CPSF2: variants seen among roughly 807,000 people sequenced by gnomAD.
CPSF2 encodes the protein cleavage and polyadenylation specific factor 2.
CPSF2 carries 51 observed loss-of-function variants against 84.2 expected under a neutral mutation model. That is an observed-to-expected ratio of 0.61 (90% CI 0.48 to 0.77). The LOEUF is 0.77. Among genes scored for constraint, CPSF2 ranks in the 30% least tolerant of loss-of-function variants. CPSF2 has a pLI of 0.00. For synonymous variants in CPSF2, 286 were observed against 311.9 expected, an observed-to-expected ratio of 0.92 and a Z score of 0.87; for missense variants, 641 against 929.4, an observed-to-expected ratio of 0.69 and a Z score of 4.03.
At chr14:92,158,032 A>C in intron 13 of CPSF2, 148 bp downstream of exon 13, 1 of 618,276 alleles carries the variant, frequency 1.6e-6, no homozygotes, top group Non-Finnish European at 2.9e-6. Flanking sequence ...GGCTTAGAAC[A>C]AGGAAATACC....
In CPSF2 at chr14:92,165,610, ATTTG is replaced by A. The variant is rs2069434077; in HGVS notation, c.*3870_*3873del. ...TGTTCATATCCTTTGTCCATTTTCA[ATTTG>A]TTTATGTTCATATCCTTTGTCCATT... On this transcript the variant is annotated 3_prime_UTR_variant, in exon 16 of 16. Coordinates refer to ENST00000298875, the MANE Select transcript of CPSF2 (RefSeq NM_017437.3). 1 of 151,612 alleles carries A rather than the reference ATTTG, an allele frequency of 6.6e-6. No homozygotes were observed. Among genetic ancestry groups the A allele is most frequent in the South Asian group, 2.1e-4 (1 of 4,818 alleles). The allele number at this position is 151,612 out of a possible 1,614,324, so 9.4% of individuals were successfully genotyped here.
intron 12 of CPSF2, among the ~76,000 whole-genome samples, chr14:92,156,973 A>C (rs1365120070): frequency 1.3e-5 from 2 of 152,196 alleles, no homozygotes; most frequent in African/African-American, 4.8e-5. Context: ...AATTTTTCTG[A>C]GTAACTGCTT....
chr14:92,164,370 C>T lies in CPSF2; in HGVS notation c.*2626C>T, dbSNP rs1336271622. 1 of 152,136 alleles carries T rather than the reference C, an allele frequency of 6.6e-6. No homozygotes were observed. Among genetic ancestry groups the T allele is most frequent in the African/African-American group, 2.4e-5 (1 of 41,422 alleles). The allele number at this position is 152,136 out of a possible 1,614,324, so 9.4% of individuals were successfully genotyped here. A position where few individuals can be genotyped will look rare whatever the true frequency, so the allele number is the denominator to read the frequency against. On this transcript the variant is annotated 3_prime_UTR_variant, in exon 16 of 16. Coordinates refer to ENST00000298875, the MANE Select transcript of CPSF2 (RefSeq NM_017437.3). ...AATCATTGCAAGAGCAATACTTTTA[C>T]CTGTTTCTAGATGACAATATTACTA... is the stretch of plus-strand genomic sequence containing the variant.
In CPSF2 at chr14:92,138,351, C is replaced by T. The variant is rs188899528; in HGVS notation, c.661+4C>T. On this transcript the variant is annotated splice_donor_region_variant and intron_variant, in intron 7 of 15. Coordinates refer to ENST00000298875, the MANE Select transcript of CPSF2 (RefSeq NM_017437.3). ...CAGAGAGATGAGCAGCTTCTGAGTA[C>T]GTATTCTTTCACGTCCTTATTATTA... The T allele has an allele frequency of 1.5e-5, 21 of 1,409,392 alleles. No individual in the cohort carries two copies. Among genetic ancestry groups the T allele is most frequent in the East Asian group, 2.4e-5 (1 of 40,896 alleles). 87.3% of individuals were successfully genotyped at this position (1,409,392 alleles called of 1,614,324 possible). A position where few individuals can be genotyped will look rare whatever the true frequency, so the allele number is the denominator to read the frequency against.
rs533345463 is a variant in CPSF2, at chr14:92,149,481, C to T, written c.1141-4877C>T. 1.4e-3 allele frequency among the ~76,000 whole-genome samples: 214 copies of T among 152,134 alleles called. 1 individual carries two copies. The highest frequency in any genetic ancestry group is 6.8e-3 in the Middle Eastern group (2 of 292). On this transcript the variant is annotated intron_variant, in intron 9 of 15. Coordinates refer to ENST00000298875, the MANE Select transcript of CPSF2 (RefSeq NM_017437.3). ...GAATGTCTTTGAGGGGCCAGACATA[C>T]TGGCTCATGCTTGTAATCCCAGCAC...
chr14:92,161,835 A>G lies in CPSF2; in HGVS notation c.*91A>G. 1 of 721,588 alleles carries G rather than the reference A, an allele frequency of 1.4e-6. No homozygotes were observed. The highest frequency in any genetic ancestry group is 2.4e-4 in the Middle Eastern group (1 of 4,150). 44.7% of individuals were successfully genotyped at this position (721,588 alleles called of 1,614,324 possible). The stretch of plus-strand genomic sequence containing the variant: ...AGCTTTTGATGTTTTGTTTTGTAAC[A>G]TACAAAAAGAATCTGCCAGAAAAAC... On this transcript the variant is annotated 3_prime_UTR_variant, in exon 16 of 16. Coordinates refer to ENST00000298875, the MANE Select transcript of CPSF2 (RefSeq NM_017437.3).
chr14:92,129,370 C>T (rs541456204), intron 2 of CPSF2, among the ~76,000 whole-genome samples: 21 of 152,264 alleles, frequency 1.4e-4, no homozygotes, highest in African/African-American at 4.8e-4. Context: ...ACGTACACAT[C>T]GTTGATAATT....
rs1401358191 is a variant in CPSF2, at chr14:92,146,908, G to A, written c.1140+3614G>A. Among the ~76,000 whole-genome samples, 5 of 152,114 alleles carry A rather than the reference G, an allele frequency of 3.3e-5. No individual in the cohort carries two copies. In the South Asian group the frequency reaches 1.0e-3, roughly 32 times the overall value. Reference sequence around the variant, plus strand: ...TCTTCTGCCTATAGTGTTCTTTCCTGGCTTTGCGCATGGCTGGCTCCTGGT... The same window carrying A: ...TCTTCTGCCTATAGTGTTCTTTCCTAGCTTTGCGCATGGCTGGCTCCTGGT... On this transcript the variant is annotated intron_variant, in intron 9 of 15. Transcript: ENST00000298875.
At chr14:92,127,394 G>A (rs1339120161) in intron 2 of CPSF2, among the ~76,000 whole-genome samples, 1 of 152,150 alleles carries the variant, frequency 6.6e-6, no homozygotes, top group African/African-American at 2.4e-5. Flanking sequence ...GAAATATAAT[G>A]AGTTGTTATG....
intron 10 of CPSF2, 130 bp downstream of exon 10, chr14:92,154,588 A>G (rs2069264760): frequency 1.7e-6 from 1 of 594,636 alleles, no homozygotes; most frequent in Non-Finnish European, 3.0e-6. Flanking sequence ...ACATCTTTCA[A>G]ATGTCTAGAA....
rs1035651447 is a variant in CPSF2, at chr14:92,135,292, A to G, written c.416-75A>G. On this transcript the variant is annotated intron_variant, in intron 5 of 15. Coordinates refer to ENST00000298875, the MANE Select transcript of CPSF2 (RefSeq NM_017437.3). ...CATATACAGTATTACCTATTAAAATATTATAGTTGAGAAATAAATAACCTT... is the reference window on the plus strand; with the variant it reads ...CATATACAGTATTACCTATTAAAATGTTATAGTTGAGAAATAAATAACCTT... 2.9e-5 allele frequency: 39 copies of G among 1,331,994 alleles called. No homozygotes were observed. In the South Asian group the frequency reaches 5.6e-4, roughly 19 times the overall value. 82.5% of individuals were successfully genotyped at this position (1,331,994 alleles called of 1,614,324 possible). A position where few individuals can be genotyped will look rare whatever the true frequency, so the allele number is the denominator to read the frequency against.
intron 3 of CPSF2, among the ~76,000 whole-genome samples, chr14:92,133,493 G>T (rs1199907092): frequency 6.6e-6 from 1 of 152,050 alleles, no homozygotes; most frequent in African/African-American, 2.4e-5. Context: ...TTTAGGCAGG[G>T]TCTCACTCTG....
chr14:92,148,538 C>A (rs1004682469), intron 9 of CPSF2, among the ~76,000 whole-genome samples: 2 of 152,020 alleles, frequency 1.3e-5, no homozygotes, highest in African/African-American at 4.8e-5. Flanking sequence ...AGGTTCGCAT[C>A]CATGACTACA....
rs1458402909 is a variant in CPSF2 at position 92,170,205 on chromosome 14, T to G, written c.*8461T>G. 6.6e-6 allele frequency: 1 copy of G among 152,228 alleles called. No individual in the cohort carries two copies. The highest frequency in any genetic ancestry group is 1.5e-5 in the Non-Finnish European group (1 of 68,040). The allele number at this position is 152,228 out of a possible 1,614,324, so 9.4% of individuals were successfully genotyped here. ...TACTTGTCTTATTTGTTAACTATTT[T>G]GAAATAATTTTAAACTTACAGAAAA... On this transcript the variant is annotated 3_prime_UTR_variant, in exon 16 of 16. Coordinates refer to ENST00000298875, the MANE Select transcript of CPSF2 (RefSeq NM_017437.3).
Position 92,148,926 on chromosome 14 carries a change from A to G in CPSF2, c.1141-5432A>G, listed in dbSNP as rs151236362. On this transcript the variant is annotated intron_variant, in intron 9 of 15. Transcript: ENST00000298875. ...AAGATATGGGTCTACCTTACATAGT[A>G]CCTGGTATATTACAAACATTTAAAT... Among the ~76,000 whole-genome samples the G allele has an allele frequency of 2.4e-3, 370 of 152,322 alleles. 4 individuals carry two copies. Among genetic ancestry groups the G allele is most frequent in the Middle Eastern group, 3.4e-3 (1 of 294 alleles).
At chr14:92,125,834 A>G (rs1271200892) in intron 1 of CPSF2, among the ~76,000 whole-genome samples, 1 of 151,996 alleles carries the variant, frequency 6.6e-6, no homozygotes, top group Non-Finnish European at 1.5e-5. Flanking sequence ...TGTCTTACCA[A>G]TCCTTAGTGA....
chr14:92,142,298 T>C lies in CPSF2; in HGVS notation c.796T>C (p.Leu266=). The C allele has an allele frequency of 1.2e-6, 2 of 1,613,974 alleles. No homozygotes were observed. The highest frequency in any genetic ancestry group is 1.7e-6 in the Non-Finnish European group (2 of 1,179,896). The part of the protein sequence containing the change: ...TKDAGLGVYS[L]ALLNNVSYNV... ...AGATGCAGGATTGGGTGTTTACTCATTGGCACTCCTAAATAATGTCAGTTA... is the reference window on the plus strand; with the variant it reads ...AGATGCAGGATTGGGTGTTTACTCACTGGCACTCCTAAATAATGTCAGTTA... Residue 266 remains leucine (L), a synonymous_variant, in exon 8 of 16, where the codon TTG becomes CTG. Coordinates refer to ENST00000298875, the MANE Select transcript of CPSF2 (RefSeq NM_017437.3).
intron 9 of CPSF2, among the ~76,000 whole-genome samples, chr14:92,151,432 T>C (rs1442214861): frequency 7.2e-6 from 1 of 138,694 alleles, no homozygotes; most frequent in Admixed American, 7.4e-5. Context: ...GAGTGTAAGA[T>C]ACATAAAAAA....
chr14:92,134,895 G>T (rs556817296), intron 5 of CPSF2, among the ~76,000 whole-genome samples: 2 of 152,156 alleles, frequency 1.3e-5, no homozygotes, highest in Admixed American at 6.5e-5. Context: ...GGACTCTGAA[G>T]ATTTAGCCCA....
Sources: allele counts gnomAD v4.1 joint callset (sites outside exome capture counted in the v4.1 genomes callset), GRCh38; gene constraint gnomAD v4.1.1; transcripts MANE v1.5; gene names NCBI Gene and HGNC (gene_info 2026-07-23, HGNC 2026-07-21).